Variants in EFHC1 observed in about 807,000 individuals in gnomAD.
EFHC1 encodes the protein EF-hand domain containing 1, also known as EF-hand domain-containing protein 1.
In EFHC1, 53 loss-of-function variants were observed where a neutral mutation model predicts 69.9. That is an observed-to-expected ratio of 0.76 (90% CI 0.61 to 0.95). The LOEUF is 0.95. Among genes scored for constraint, EFHC1 ranks in the 40% least tolerant of loss-of-function variants. The pLI, the probability that EFHC1 is intolerant of heterozygous loss-of-function variation, is 0.00. For synonymous variants in EFHC1, 256 were observed against 278.4 expected (o/e 0.92, Z 0.80); for missense variants, 739 against 798.7 (o/e 0.93, Z 0.90).
At chr6:52,455,653 C>CA (rs201925030) in intron 5 of EFHC1, among the ~76,000 whole-genome samples, 26,181 of 138,764 alleles carry the variant, frequency 0.19, 2,594 homozygotes, top group East Asian at 0.46. Context: ...GACTCCATCT[C>CA]AAAAAAAAAA....
At chr6:52,421,219 C>T (rs1236226802) in intron 1 of EFHC1, among the ~76,000 whole-genome samples, 2 of 152,200 alleles carry the variant, frequency 1.3e-5, no homozygotes, top group Non-Finnish European at 2.9e-5. Flanking sequence ...CCTCCCAAAG[C>T]ATCTTTCCCT....
intron 10 of EFHC1, 54 bp downstream of exon 10, chr6:52,490,404 C>A: frequency 6.6e-7 from 1 of 1,506,310 alleles, no homozygotes; most frequent in Non-Finnish European, 9.2e-7. Context: ...ACTGATCATT[C>A]TTTTCTAAAG....
chr6:52,483,033 C>T (rs1029169860), intron 9 of EFHC1: 5 of 393,178 alleles, frequency 1.3e-5, no homozygotes, highest in African/African-American at 2.1e-5. Context: ...TTACTGTCTG[C>T]GTGAACTATA....
At position 52,435,272 on chromosome 6, in the gene EFHC1, G is replaced by A. The variant is rs545023163; in HGVS notation, c.286-3032G>A. ...TCTTCTTACCCCCAAAATCTGTTCT[G>A]CAGCAATCTTCTTCATATCAATTTG... On this transcript the variant is annotated intron_variant, in intron 2 of 10. Coordinates refer to ENST00000371068, the MANE Select transcript of EFHC1 (RefSeq NM_018100.4). Among the ~76,000 whole-genome samples the A allele has an allele frequency of 7.9e-5, 12 of 152,198 alleles. 1 individual carries two copies. The South Asian group carries it at 2.5e-3, about 32-fold the overall frequency.
At chr6:52,442,176 G>C (rs1440215660) in intron 3 of EFHC1, among the ~76,000 whole-genome samples, 1 of 152,068 alleles carries the variant, frequency 6.6e-6, no homozygotes, top group Non-Finnish European at 1.5e-5. Context: ...CTTTTCTTGT[G>C]TCAGTTTTCA....
chr6:52,436,987 T>C (rs67642847), intron 2 of EFHC1, among the ~76,000 whole-genome samples: 11,372 of 152,246 alleles, frequency 0.075, 879 homozygotes, highest in African/African-American at 0.19. Flanking sequence ...GATACCATGT[T>C]GACTTCACAT....
In EFHC1 at chr6:52,469,460, A is replaced by T. The variant is rs750259384; in HGVS notation, c.1265A>T (p.Tyr422Phe). 84 of 1,613,766 alleles carry T rather than the reference A, an allele frequency of 5.2e-5. No homozygotes were observed. Among genetic ancestry groups the T allele is most frequent in the Non-Finnish European group, 7.1e-5 (84 of 1,179,912 alleles). ...GTGAATGATAACAAGGTGCTTCGTTATTTGGCTGTACTGGTGAGGCTAATT... is the reference window on the plus strand; with the variant it reads ...GTGAATGATAACAAGGTGCTTCGTTTTTTGGCTGTACTGGTGAGGCTAATT... ...MLVNDNKVLR[Y>F]LAVLESPIPE... The change falls in exon 7 of 11, where the codon TAT (tyrosine) becomes TTT (phenylalanine). Residue 422 changes from tyrosine (Y) to phenylalanine (F), a missense_variant. Physicochemically the swap from Tyr to Phe is conservative, Grantham distance 22 (BLOSUM62 3). Coordinates refer to ENST00000371068, the MANE Select transcript of EFHC1 (RefSeq NM_018100.4).
intron 3 of EFHC1, among the ~76,000 whole-genome samples, chr6:52,446,277 GTTC>G (rs1432249183): frequency 6.6e-6 from 1 of 152,180 alleles, no homozygotes; most frequent in African/African-American, 2.4e-5. Flanking sequence ...AGGATAGTTA[GTTC>G]TTCTTGTTGA....
intron 10 of EFHC1, among the ~76,000 whole-genome samples, chr6:52,491,947 A>G (rs1480715207): frequency 6.6e-6 from 1 of 152,164 alleles, no homozygotes; most frequent in African/African-American, 2.4e-5. Context: ...GTTTGCCAAC[A>G]TCCTGCTTTC....
chr6:52,469,230 A>G (rs913649433), intron 6 of EFHC1, 103 bp from the exon 7 acceptor site: 7 of 1,403,604 alleles, frequency 5.0e-6, no homozygotes, highest in African/African-American at 4.3e-5. Flanking sequence ...ATATATTTGC[A>G]TAAGTATTTT....
intron 9 of EFHC1, chr6:52,484,354 TATTA>T (rs1004019479): frequency 2.6e-5 from 4 of 152,238 alleles, no homozygotes; most frequent in East Asian, 3.8e-4. Flanking sequence ...AATTTTCAAA[TATTA>T]ATTTATTTTG....
intron 10 of EFHC1, among the ~76,000 whole-genome samples, chr6:52,492,019 G>A (rs1346766005): frequency 6.6e-6 from 1 of 152,158 alleles, no homozygotes; most frequent in East Asian, 1.9e-4. Context: ...TGATCATGAC[G>A]CTCATTCTTT....
At chr6:52,443,284 T>C (rs1764705746) in intron 3 of EFHC1, among the ~76,000 whole-genome samples, 2 of 152,246 alleles carry the variant, frequency 1.3e-5, no homozygotes, top group Admixed American at 6.5e-5. Context: ...AGAAGCTCTT[T>C]AGTTTAATTA....
chr6:52,468,228 G>A (rs1194136331), intron 6 of EFHC1, among the ~76,000 whole-genome samples: 1 of 152,190 alleles, frequency 6.6e-6, no homozygotes, highest in Non-Finnish European at 1.5e-5. Context: ...GGTACTACTA[G>A]CTTGGTTGAA....
At chr6:52,441,213 C>G (rs1764655708) in intron 3 of EFHC1, among the ~76,000 whole-genome samples, 1 of 152,066 alleles carries the variant, frequency 6.6e-6, no homozygotes, top group South Asian at 2.1e-4. Context: ...TTTGCCCATT[C>G]CTATGTTTAG....
At chr6:52,464,859 CCTT>C (rs1402726106) in intron 5 of EFHC1, 33 bp from the exon 6 acceptor site, 1 of 1,576,382 alleles carries the variant, frequency 6.3e-7, no homozygotes, top group Admixed American at 1.7e-5. Flanking sequence ...CACACTCATT[CCTT>C]CTTTTTTTCT....
Position 52,494,450 on chromosome 6 carries a change from T to A in EFHC1, c.*2109T>A, listed in dbSNP as rs773791292. On this transcript the variant is annotated 3_prime_UTR_variant, in exon 11 of 11. Transcript: ENST00000371068. ...GCTGCTGTTTCTAGCCCATGTAGGCTCTGGGAAAGGTTAAGCGGGTAGAAA... is the reference window on the plus strand; with the variant it reads ...GCTGCTGTTTCTAGCCCATGTAGGCACTGGGAAAGGTTAAGCGGGTAGAAA... The A allele has an allele frequency of 1.6e-4, 73 of 454,040 alleles. No homozygotes were observed. The highest frequency in any genetic ancestry group is 2.3e-4 in the Non-Finnish European group (52 of 226,816). 28.1% of individuals were successfully genotyped at this position (454,040 alleles called of 1,614,324 possible).
chr6:52,443,406 T>G (rs867371719), intron 3 of EFHC1, among the ~76,000 whole-genome samples: 1 of 152,204 alleles, frequency 6.6e-6, no homozygotes, highest in Non-Finnish European at 1.5e-5. Flanking sequence ...TCTTCTAGGG[T>G]GTTTATGGTT....
At position 52,432,092 on chromosome 6, in the gene EFHC1, T is replaced by G. The variant is rs370988584; in HGVS notation, c.286-6212T>G. 7.2e-5 allele frequency among the ~76,000 whole-genome samples: 11 copies of G among 152,292 alleles called. No individual in the cohort carries two copies. In the South Asian group the frequency reaches 1.2e-3, roughly 17 times the overall value. Reference sequence around the variant, plus strand: ...TACCTTAAATTTACATGAGTCCTTATGTATTAGGTGAGTCTCTTGAAGGCA... The same window carrying G: ...TACCTTAAATTTACATGAGTCCTTAGGTATTAGGTGAGTCTCTTGAAGGCA... On this transcript the variant is annotated intron_variant, in intron 2 of 10. Coordinates refer to ENST00000371068, the MANE Select transcript of EFHC1 (RefSeq NM_018100.4).
Sources: gnomAD v4.1 joint callset for allele counts (sites outside exome capture counted in the v4.1 genomes callset) on GRCh38, gnomAD v4.1.1 for gene constraint, MANE v1.5 for transcripts, NCBI Gene and HGNC (gene_info 2026-07-23, HGNC 2026-07-21) for gene names.